Variants in HIBADH observed in about 807,000 individuals in gnomAD.
HIBADH encodes the protein 3-hydroxyisobutyrate dehydrogenase, mitochondrial.
HIBADH carries 25 observed loss-of-function variants against 36.1 expected under a neutral mutation model. The ratio of observed to expected loss-of-function variants is 0.69; its 90% confidence interval spans 0.50 to 0.97. The LOEUF is 0.97. HIBADH is among the 50% of genes least tolerant of loss of function. The probability of loss-of-function intolerance (pLI) is 0.00; values close to 1 mark genes in which losing one functional copy is unlikely to be tolerated. For synonymous variants in HIBADH, 160 were observed against 149.5 expected (o/e 1.07, Z -0.51); for missense variants, 421 against 418.0 (o/e 1.01, Z -0.06).
intron 4 of HIBADH, among the ~76,000 whole-genome samples, chr7:27,579,132 TA>T (rs1784755510): frequency 6.6e-6 from 1 of 152,174 alleles, no homozygotes; most frequent in African/African-American, 2.4e-5. Flanking sequence ...AAAATCCAGT[TA>T]TTTGGGGGAC....
chr7:27,560,339 G>C (rs71539526), intron 4 of HIBADH, among the ~76,000 whole-genome samples: 23,840 of 152,220 alleles, frequency 0.16, 2,051 homozygotes, highest in Middle Eastern at 0.2. Context: ...GGCTGGTCTT[G>C]AACTCCTGGC....
intron 4 of HIBADH, among the ~76,000 whole-genome samples, chr7:27,629,107 T>G (rs1785700001): frequency 6.6e-6 from 1 of 152,092 alleles, no homozygotes. Context: ...TTCTAAAAAC[T>G]GATGTATTCC....
At chr7:27,550,044 A>C (rs1193224633) in intron 4 of HIBADH, among the ~76,000 whole-genome samples, 2 of 152,076 alleles carry the variant, frequency 1.3e-5, no homozygotes, top group Non-Finnish European at 2.9e-5. Context: ...AGTAGCTGGG[A>C]CTATGGGCGC....
At chr7:27,641,082 C>T (rs993078961) in intron 2 of HIBADH, among the ~76,000 whole-genome samples, 2 of 152,114 alleles carry the variant, frequency 1.3e-5, no homozygotes, top group African/African-American at 4.8e-5. Context: ...GAAAAGCAGA[C>T]TCCAGAAGCA....
In HIBADH at chr7:27,526,030, GATA is replaced by G; in HGVS notation, c.*181_*183del. On this transcript the variant is annotated 3_prime_UTR_variant, in exon 8 of 8. Coordinates refer to ENST00000265395, the MANE Select transcript of HIBADH (RefSeq NM_152740.4). The stretch of plus-strand genomic sequence containing the variant: ...CAGTGGCTTGCAGAAAAAAAATTCG[GATA>G]ATATGTTTGTTAAAAAGACAAAAAG... The G allele has an allele frequency of 4.5e-6, 2 of 444,032 alleles. No individual in the cohort carries two copies. Among genetic ancestry groups the G allele is most frequent in the East Asian group, 7.8e-5 (2 of 25,638 alleles). 27.5% of individuals were successfully genotyped at this position (444,032 alleles called of 1,614,324 possible). A position where few individuals can be genotyped will look rare whatever the true frequency, so the allele number is the denominator to read the frequency against.
intron 4 of HIBADH, among the ~76,000 whole-genome samples, chr7:27,550,992 C>G (rs1183259415): frequency 6.7e-6 from 1 of 149,920 alleles, no homozygotes; most frequent in Non-Finnish European, 1.5e-5. Context: ...CCACACCACA[C>G]CAAACACACA....
chr7:27,565,389 A>G (rs949383123), intron 4 of HIBADH, among the ~76,000 whole-genome samples: 4 of 152,170 alleles, frequency 2.6e-5, no homozygotes, highest in African/African-American at 9.7e-5. Flanking sequence ...GTAATAAACT[A>G]TCTTCTCAAT....
intron 5 of HIBADH, among the ~76,000 whole-genome samples, chr7:27,539,219 T>C (rs1258725859): frequency 6.6e-6 from 1 of 152,102 alleles, no homozygotes; most frequent in Non-Finnish European, 1.5e-5. Flanking sequence ...GTGGTAAATT[T>C]GACATTCAGA....
chr7:27,534,297 A>G (rs73686429), intron 6 of HIBADH, among the ~76,000 whole-genome samples: 3,006 of 150,422 alleles, frequency 0.02, 95 homozygotes, highest in African/African-American at 0.064. Flanking sequence ...TTATGTCACT[A>G]AACTGGGATG....
At chr7:27,534,395 C>G (rs1784043664) in intron 6 of HIBADH, among the ~76,000 whole-genome samples, 1 of 152,146 alleles carries the variant, frequency 6.6e-6, no homozygotes, top group Non-Finnish European at 1.5e-5. Context: ...AATGTTTACT[C>G]AGATCTGCTA....
Position 27,539,817 on chromosome 7 carries a change from T to C in HIBADH, c.619-1400A>G, listed in dbSNP as rs535426073. Reference sequence around the variant, plus strand: ...AGTTGATTAACACATATTTTGTATATGTATTATATATTGTATTCTTATGGT... The same window carrying C: ...AGTTGATTAACACATATTTTGTATACGTATTATATATTGTATTCTTATGGT... On this transcript the variant is annotated intron_variant, in intron 5 of 7. Transcript: ENST00000265395. 5.3e-5 allele frequency among the ~76,000 whole-genome samples: 8 copies of C among 152,308 alleles called. No homozygotes were observed. In the East Asian group the frequency reaches 1.5e-3, roughly 29 times the overall value.
chr7:27,601,154 T>C (rs1029871809), intron 4 of HIBADH, among the ~76,000 whole-genome samples: 9 of 152,118 alleles, frequency 5.9e-5, no homozygotes, highest in Non-Finnish European at 1.3e-4. Flanking sequence ...ATTGGATCTT[T>C]TTAACATAAT....
rs199658142 is a variant in HIBADH at position 27,594,151 on chromosome 7, TG to T, written c.484+35219del. On this transcript the variant is annotated intron_variant, in intron 4 of 7. Coordinates refer to ENST00000265395, the MANE Select transcript of HIBADH (RefSeq NM_152740.4). ...TTACATAAAGATGTTTTTGTTTTTT[TG>T]TTTTTTTTCTGAAACAGAGTTTCGC... 4.2e-3 allele frequency among the ~76,000 whole-genome samples: 518 copies of T among 122,710 alleles called. 10 individuals carry two copies. The highest frequency in any genetic ancestry group is 0.014 in the African/African-American group (471 of 33,538). 80.5% of individuals were successfully genotyped at this position (122,710 alleles called of 152,430 possible). A position where few individuals can be genotyped will look rare whatever the true frequency, so the allele number is the denominator to read the frequency against.
intron 5 of HIBADH, among the ~76,000 whole-genome samples, chr7:27,538,732 T>C (rs1057089899): frequency 6.6e-6 from 1 of 151,882 alleles, no homozygotes; most frequent in Non-Finnish European, 1.5e-5. Flanking sequence ...ACAATCTAAT[T>C]GGAAATGGGA....
intron 1 of HIBADH, among the ~76,000 whole-genome samples, chr7:27,651,642 A>G (rs940949912): frequency 2.6e-5 from 4 of 152,218 alleles, no homozygotes; most frequent in African/African-American, 9.6e-5. Flanking sequence ...TTAACAGGCA[A>G]TTCACTCTAG....
In HIBADH at chr7:27,640,715, C is replaced by T. The variant is rs574458475; in HGVS notation, c.253-8270G>A. Among the ~76,000 whole-genome samples, 9 of 152,192 alleles carry T rather than the reference C, an allele frequency of 5.9e-5. No individual in the cohort carries two copies. The South Asian group carries it at 1.0e-3, about 18-fold the overall frequency. ...AGTTGTTAGGCTATTTCATGTTGCA[C>T]GAACATCAGAGAGAGCACTTACAGA... On this transcript the variant is annotated intron_variant, in intron 2 of 7. Transcript: ENST00000265395.
intron 4 of HIBADH, among the ~76,000 whole-genome samples, chr7:27,567,635 T>C (rs1394924404): frequency 1.3e-5 from 2 of 152,140 alleles, no homozygotes; most frequent in African/African-American, 2.4e-5. Context: ...CATCTTTGTA[T>C]AGGGTGTGTG....
Position 27,662,687 on chromosome 7 carries a change from G to C in HIBADH, c.91+11C>G. 7.6e-7 allele frequency: 1 copy of C among 1,309,864 alleles called. No individual in the cohort carries two copies. The highest frequency in any genetic ancestry group is 9.8e-7 in the Non-Finnish European group (1 of 1,018,570). 81.1% of individuals were successfully genotyped at this position (1,309,864 alleles called of 1,614,324 possible). On this transcript the variant is annotated intron_variant, in intron 1 of 7. Transcript: ENST00000265395. The stretch of plus-strand genomic sequence containing the variant: ...AAGAAGGACAAGGGGGAGGAGGCGT[G>C]AGGTCCTTACCCGCTGCAAAGCTGC...
At chr7:27,586,709 G>T (rs1784870077) in intron 4 of HIBADH, among the ~76,000 whole-genome samples, 10 of 76,410 alleles carry the variant, frequency 1.3e-4, no homozygotes, top group Admixed American at 1.3e-3. Context: ...CTTAGAAAAG[G>T]AGGGAAATCA....
Sources: allele counts gnomAD v4.1 joint callset (sites outside exome capture counted in the v4.1 genomes callset), GRCh38; gene constraint gnomAD v4.1.1; transcripts MANE v1.5; gene names NCBI Gene and HGNC (gene_info 2026-07-23, HGNC 2026-07-21).